LY86: variants seen among roughly 807,000 people sequenced by gnomAD.
LY86 encodes MD-1, RP105-associated.
Under a neutral mutation model 17.3 loss-of-function variants are expected in LY86, and 20 were observed. The ratio of observed to expected loss-of-function variants is 1.15; its 90% CI spans 0.81 to 1.68. The LOEUF is 1.68. Among genes scored for constraint, LY86 ranks in the 40% most tolerant of loss-of-function variants. The pLI, the probability that LY86 is intolerant of heterozygous loss-of-function variation, is 0.00. For synonymous variants in LY86, 74 were observed against 70.6 expected (o/e 1.05, Z -0.24); for missense variants, 200 against 191.9 (o/e 1.04, Z -0.25).
chr6:6,603,656 G>GTACAGTACACACACACAC (rs1561778159), intron 1 of LY86, among the ~76,000 whole-genome samples: 1 of 130,930 alleles, frequency 7.6e-6, no homozygotes, highest in Non-Finnish European at 1.6e-5. Flanking sequence ...CACACACACA[G>GTACAGTACACACACACAC]AGTGGAAAAC....
At chr6:6,612,727 C>CT (rs1185041230) in intron 1 of LY86, among the ~76,000 whole-genome samples, 1 of 152,152 alleles carries the variant, frequency 6.6e-6, no homozygotes, top group Non-Finnish European at 1.5e-5. Context: ...GAGCTAGATG[C>CT]AAAAGTTCTC....
chr6:6,619,243 G>A (rs1452717745), intron 1 of LY86, among the ~76,000 whole-genome samples: 1 of 152,180 alleles, frequency 6.6e-6, no homozygotes, highest in Non-Finnish European at 1.5e-5. Context: ...CCTAAAAGAA[G>A]AAATCAAAAG....
chr6:6,596,205 T>G (rs905154480), intron 1 of LY86, among the ~76,000 whole-genome samples: 1 of 152,108 alleles, frequency 6.6e-6, no homozygotes, highest in Non-Finnish European at 1.5e-5. Context: ...ATGTAAAACA[T>G]CTCCGTACAG....
At chr6:6,629,235 A>G (rs953645267) in intron 3 of LY86, among the ~76,000 whole-genome samples, 2 of 152,260 alleles carry the variant, frequency 1.3e-5, no homozygotes, top group Admixed American at 1.3e-4. Flanking sequence ...TAAAATGATC[A>G]GAAAAGTGAT....
chr6:6,594,749 T>C lies in LY86; in HGVS notation c.136+5879T>C, dbSNP rs934679188. Among the ~76,000 whole-genome samples the C allele has an allele frequency of 5.3e-5, 8 of 152,346 alleles. No homozygotes were observed. The South Asian group carries it at 1.0e-3, about 20-fold the overall frequency. On this transcript the variant is annotated intron_variant, in intron 1 of 4. Coordinates refer to ENST00000230568, the MANE Select transcript of LY86 (RefSeq NM_004271.4). ...GTCATAATAACCTCTCCCTTCTGCATGCCACTTTAAAATTTATGAAGTCCT... is the reference window on the plus strand; with the variant it reads ...GTCATAATAACCTCTCCCTTCTGCACGCCACTTTAAAATTTATGAAGTCCT...
chr6:6,588,960 G>GAA lies in LY86; in HGVS notation c.136+91_136+92insAA, dbSNP rs35589645. 75 of 1,342,638 alleles carry GAA rather than the reference G, an allele frequency of 5.6e-5. No individual in the cohort carries two copies. The African/African-American group carries it at 1.8e-3, about 32-fold the overall frequency. 83.2% of individuals were successfully genotyped at this position (1,342,638 alleles called of 1,614,324 possible). A position where few individuals can be genotyped will look rare whatever the true frequency, so the allele number is the denominator to read the frequency against. ...TAGTGCTCAGTTGGAGTTGGGGTGGGAGGGGAGAGGGGACCAGCAGCTGAA... is the reference window on the plus strand; with the variant it reads ...TAGTGCTCAGTTGGAGTTGGGGTGGGAAAGGGGAGAGGGGACCAGCAGCTGAA... On this transcript the variant is annotated intron_variant, in intron 1 of 4. Coordinates refer to ENST00000230568, the MANE Select transcript of LY86 (RefSeq NM_004271.4).
intron 3 of LY86, among the ~76,000 whole-genome samples, chr6:6,627,369 G>A (rs1561788909): frequency 1.3e-5 from 2 of 152,218 alleles, no homozygotes; most frequent in African/African-American, 2.4e-5. Flanking sequence ...AGTGAGGGAT[G>A]CAGACAAAAG....
intron 3 of LY86, among the ~76,000 whole-genome samples, chr6:6,631,451 T>C (rs568372380): frequency 2.4e-4 from 37 of 152,294 alleles, no homozygotes; most frequent in Non-Finnish European, 4.7e-4. Context: ...CGGAAAAAGA[T>C]TTAAAGGGCA....
chr6:6,599,352 A>ACC (rs1409633580), intron 1 of LY86, among the ~76,000 whole-genome samples: 6 of 152,244 alleles, frequency 3.9e-5, no homozygotes, highest in Admixed American at 3.9e-4. Flanking sequence ...TCCAACCAGC[A>ACC]GAAGAAACTT....
intron 1 of LY86, among the ~76,000 whole-genome samples, chr6:6,596,678 C>A (rs1411978686): frequency 1.3e-5 from 2 of 152,086 alleles, no homozygotes; most frequent in African/African-American, 4.8e-5. Flanking sequence ...ACAAGAATAT[C>A]CAACACTGTG....
At chr6:6,651,757 T>G (rs1220012041) in intron 4 of LY86, among the ~76,000 whole-genome samples, 2 of 152,044 alleles carry the variant, frequency 1.3e-5, no homozygotes, top group Non-Finnish European at 2.9e-5. Flanking sequence ...GAAAACCCCT[T>G]TGAAAGTAAG....
At chr6:6,603,328 C>T (rs1760972503) in intron 1 of LY86, among the ~76,000 whole-genome samples, 1 of 150,836 alleles carries the variant, frequency 6.6e-6, no homozygotes. Flanking sequence ...CTAAAGCATT[C>T]ATGAACAGGA....
chr6:6,592,719 G>A (rs1431726958), intron 1 of LY86, among the ~76,000 whole-genome samples: 1 of 152,154 alleles, frequency 6.6e-6, no homozygotes, highest in Non-Finnish European at 1.5e-5. Flanking sequence ...CACCACATGA[G>A]GACACAATGA....
At chr6:6,603,603 C>CAACAAAAAAAAAAAAAAAAAAAAAAAAA (rs1207511602) in intron 1 of LY86, among the ~76,000 whole-genome samples, 1 of 70,464 alleles carries the variant, frequency 1.4e-5, no homozygotes, top group Admixed American at 1.5e-4. Flanking sequence ...AAAACAGAAA[C>CAACAAAAAAAAAAAAAAAAAAAAAAAAA]AGAAAAAAAA....
chr6:6,596,081 A>T (rs1248180061), intron 1 of LY86, among the ~76,000 whole-genome samples: 1 of 152,232 alleles, frequency 6.6e-6, no homozygotes, highest in Non-Finnish European at 1.5e-5. Flanking sequence ...GCTACAGGGC[A>T]GGTGCTTTAG....
At chr6:6,617,019 T>A (rs989443271) in intron 1 of LY86, among the ~76,000 whole-genome samples, 1 of 152,250 alleles carries the variant, frequency 6.6e-6, no homozygotes, top group Non-Finnish European at 1.5e-5. Context: ...CGGAGAAGCA[T>A]GTGCTAACGT....
intron 3 of LY86, among the ~76,000 whole-genome samples, chr6:6,647,287 C>G (rs987636046): frequency 1.3e-5 from 2 of 152,310 alleles, no homozygotes. Flanking sequence ...TCTTCTGCAT[C>G]TTCAATCTCT....
chr6:6,635,958 G>A (rs1258530513), intron 3 of LY86, among the ~76,000 whole-genome samples: 1 of 152,240 alleles, frequency 6.6e-6, no homozygotes, highest in East Asian at 1.9e-4. Context: ...TCAGACTGCA[G>A]TGCTGCCGCT....
At chr6:6,611,816 G>A (rs1453881999) in intron 1 of LY86, among the ~76,000 whole-genome samples, 4 of 152,134 alleles carry the variant, frequency 2.6e-5, no homozygotes, top group Non-Finnish European at 5.9e-5. Flanking sequence ...CAATCGGACC[G>A]ATAAAATAGC....
Sources: gnomAD v4.1 joint callset for allele counts (sites outside exome capture counted in the v4.1 genomes callset) on GRCh38, gnomAD v4.1.1 for gene constraint, MANE v1.5 for transcripts, NCBI Gene and HGNC (gene_info 2026-07-23, HGNC 2026-07-21) for gene names.